The following PHF12 variants were observed in gnomAD, a reference collection of about 807,000 sequenced individuals.
PHF12 encodes the protein PHD factor 1.
PHF12 carries 6 observed loss-of-function variants against 99.8 expected under a neutral mutation model. That is an observed-to-expected ratio of 0.06 (90% confidence interval 0.03 to 0.12). The LOEUF (loss-of-function observed/expected upper bound fraction) is 0.12. Among genes scored for constraint, PHF12 ranks in the 10% least tolerant of loss-of-function variants. PHF12 has a pLI of 1.00. For missense variants in PHF12, 954 were observed against 1,300.1 expected, an observed-to-expected ratio of 0.73 and a Z score of 4.09; for synonymous variants, 480 against 514.9, an observed-to-expected ratio of 0.93 and a Z score of 0.92.
At chr17:28,925,948 C>T (rs368474824) in intron 3 of PHF12, 1 of 152,236 alleles carries the variant, frequency 6.6e-6, no homozygotes, top group Non-Finnish European at 1.5e-5. Flanking sequence ...GGGCTCCTGG[C>T]TGGCAGGTGC....
At chr17:28,918,679 A>G (rs547063402) in intron 6 of PHF12, among the ~76,000 whole-genome samples, 1 of 152,228 alleles carries the variant, frequency 6.6e-6, no homozygotes, top group African/African-American at 2.4e-5. Context: ...AGCAAGTGAC[A>G]GCTCTTTTCT....
rs1200333481 is a variant in PHF12 at position 28,939,554 on chromosome 17, G to A, written c.248+10511C>T. Among the ~76,000 whole-genome samples the A allele has an allele frequency of 2.0e-5, 3 of 152,176 alleles. No homozygotes were observed. The East Asian group carries it at 5.8e-4, about 29-fold the overall frequency. On this transcript the variant is annotated intron_variant, in intron 2 of 14. Transcript: ENST00000332830. The stretch of plus-strand genomic sequence containing the variant: ...TGGTTTAGTGAACGTGGGAATTAAC[G>A]AGCACTCAGCTGATCACAGGAGCCT...
At chr17:28,908,489 T>C (rs755001648) in intron 12 of PHF12, 4 of 339,206 alleles carry the variant, frequency 1.2e-5, no homozygotes, top group Non-Finnish European at 2.2e-5. Flanking sequence ...TAATTTTTTA[T>C]ATTTGTTTTT....
intron 12 of PHF12, chr17:28,908,578 C>G: frequency 1.7e-6 from 1 of 573,336 alleles, no homozygotes. Context: ...CCTTGTCCTC[C>G]CAAAGTGTTG....
intron 10 of PHF12, 58 bp downstream of exon 10, chr17:28,911,054 A>G (rs1392253903): frequency 3.7e-6 from 6 of 1,608,126 alleles, no homozygotes; most frequent in Non-Finnish European, 5.1e-6. Context: ...TGAATGCTGT[A>G]TAGGAATAGC....
At chr17:28,945,298 T>C (rs1222162198) in intron 2 of PHF12, 1 of 152,188 alleles carries the variant, frequency 6.6e-6, no homozygotes, top group African/African-American at 2.4e-5. Context: ...TTTTCTATTC[T>C]ATGTGTGAAA....
At chr17:28,943,230 G>C (rs1056547271) in intron 2 of PHF12, among the ~76,000 whole-genome samples, 2 of 152,206 alleles carry the variant, frequency 1.3e-5, no homozygotes, top group Non-Finnish European at 2.9e-5. Context: ...AAATAATGCA[G>C]CTTCTTTGGA....
chr17:28,950,932 A>G lies in PHF12; in HGVS notation c.29T>C (p.Ile10Thr), dbSNP rs1343248448. Reference sequence around the variant, plus strand: ...CCCTGATGTGTCCAAGTCGTACACGATCGTCTTGGTCTCCATTTTCTCCCA... The same window carrying G: ...CCCTGATGTGTCCAAGTCGTACACGGTCGTCTTGGTCTCCATTTTCTCCCA... MWEKMETKT[I>T]VYDLDTSGGL... is the part of the protein sequence containing the mutation. Residue 10 changes from isoleucine (I) to threonine (T), a missense_variant, in exon 1 of 15, where the codon ATC becomes ACC. Ile to Thr is a moderately conservative substitution (Grantham distance 89, BLOSUM62 -1). Transcript: ENST00000332830. This position sits in a 1 kb window ranked among gnomAD's most constrained non-coding sequence, Gnocchi z 5.7. 7 of 1,613,706 alleles carry G rather than the reference A, an allele frequency of 4.3e-6. No individual in the cohort carries two copies. The Admixed American group carries it at 8.3e-5, about 19-fold the overall frequency.
At position 28,906,830 on chromosome 17, in the gene PHF12, G is replaced by A. The variant is rs878983051; in HGVS notation, c.2680+26C>T. On this transcript the variant is annotated intron_variant, in intron 14 of 14. Transcript: ENST00000332830. This position sits in a 1 kb window ranked among gnomAD's most constrained non-coding sequence, Gnocchi z 4.2. ...ACCCTGACTGGGGCCTCAGCTTTGT[G>A]GCCACAGATCTCTGCTCCAACTTAC... is the stretch of plus-strand genomic sequence containing the variant. 6.4e-7 allele frequency: 1 copy of A among 1,572,520 alleles called. No homozygotes were observed. Among genetic ancestry groups the A allele is most frequent in the Middle Eastern group, 1.7e-4 (1 of 5,834 alleles).
At chr17:28,944,208 T>C (rs1180580926) in intron 2 of PHF12, among the ~76,000 whole-genome samples, 1 of 152,226 alleles carries the variant, frequency 6.6e-6, no homozygotes, top group Non-Finnish European at 1.5e-5. Context: ...TGGAGCTATA[T>C]GTAAAGTACT....
chr17:28,946,739 T>A (rs2040728601), intron 2 of PHF12, among the ~76,000 whole-genome samples: 2 of 152,244 alleles, frequency 1.3e-5, no homozygotes, highest in Admixed American at 1.3e-4. Flanking sequence ...AGTCTTGCTA[T>A]GTTGCCTAGA....
chr17:28,907,403 A>G (rs2039889537), intron 13 of PHF12, 187 bp downstream of exon 13: 2 of 597,060 alleles, frequency 3.3e-6, no homozygotes, highest in East Asian at 3.0e-5. Context: ...CCTGGGAAGC[A>G]GGTAGCTTCC....
In PHF12 at chr17:28,912,812, G is replaced by A. The variant is rs753017825; in HGVS notation, c.1759C>T (p.Pro587Ser). 3.1e-6 allele frequency: 5 copies of A among 1,608,670 alleles called. No homozygotes were observed. The Admixed American group carries it at 8.4e-5, about 27-fold the overall frequency. ...TTCTGAAGGCCCCCAGCCGCTGGTGGCGTGAGGGGCCGGGGCCAGCCTTGC... is the reference window on the plus strand; with the variant it reads ...TTCTGAAGGCCCCCAGCCGCTGGTGACGTGAGGGGCCGGGGCCAGCCTTGC... ...HRQGWPRPLTPPAAGGLQNHT... is the reference protein window; with the variant it reads ...HRQGWPRPLTSPAAGGLQNHT... Residue 587 changes from proline (P) to serine (S), a missense_variant, in exon 9 of 15, where the codon CCA (proline) becomes TCA (serine). Around this residue, in one of 8 missense-constraint regions of PHF12, gnomAD observed 392 missense variants for 423.1 expected, o/e 0.93. Coordinates refer to ENST00000332830, the MANE Select transcript of PHF12 (RefSeq NM_001033561.2).
chr17:28,917,310 T>C lies in PHF12; in HGVS notation c.1109A>G (p.Gln370Arg). The change falls in exon 7 of 15, where the codon CAG becomes CGG. Residue 370 changes from glutamine (Q) to arginine (R), a missense_variant. Around this residue, in one of 8 missense-constraint regions of PHF12, gnomAD observed 392 missense variants for 423.1 expected, o/e 0.93. Transcript: ENST00000332830. ...CTTCAAGCTTCTTCTTTTGACCGAC[T>C]GGAGCACACGCCGGTTAGGGGGGTG... The part of the protein sequence containing the change: ...KKHPPNRRVL[Q>R]SVKRRSLKVP... 2.5e-6 allele frequency: 4 copies of C among 1,614,022 alleles called. No individual in the cohort carries two copies. Among genetic ancestry groups the C allele is most frequent in the Non-Finnish European group, 3.4e-6 (4 of 1,180,030 alleles).
At chr17:28,920,450 T>C (rs1005644357) in intron 5 of PHF12, among the ~76,000 whole-genome samples, 2 of 152,218 alleles carry the variant, frequency 1.3e-5, no homozygotes, top group African/African-American at 4.8e-5. Flanking sequence ...CTAGGGGCTT[T>C]TGGAAGTCAT....
At chr17:28,931,815 C>CAA (rs996193502) in intron 2 of PHF12, among the ~76,000 whole-genome samples, 2 of 152,024 alleles carry the variant, frequency 1.3e-5, no homozygotes, top group African/African-American at 4.8e-5. Flanking sequence ...CTCCTGACCT[C>CAA]AAGTAATCTG....
At chr17:28,923,063 T>C (rs2040194440) in intron 4 of PHF12, among the ~76,000 whole-genome samples, 1 of 151,532 alleles carries the variant, frequency 6.6e-6, no homozygotes, top group South Asian at 2.1e-4. Context: ...AAAAAAATTC[T>C]ATATTAATAT....
chr17:28,930,272 A>G (rs1008182418), intron 2 of PHF12, among the ~76,000 whole-genome samples: 1 of 152,194 alleles, frequency 6.6e-6, no homozygotes, highest in African/African-American at 2.4e-5. Flanking sequence ...GCTTTCTCTG[A>G]AAGTCTCTGG....
At chr17:28,921,834 G>C (rs2040172038) in intron 4 of PHF12, 26 bp from the exon 5 acceptor site, 2 of 1,611,578 alleles carry the variant, frequency 1.2e-6, no homozygotes, top group Non-Finnish European at 1.7e-6. Context: ...ATGGTGCTGA[G>C]CTATCCCTGG....
Sources: allele counts gnomAD v4.1 joint callset (sites outside exome capture counted in the v4.1 genomes callset), GRCh38; gene constraint gnomAD v4.1.1; regional missense constraint gnomAD v4.1.1; non-coding constraint Gnocchi (gnomAD v3.1); transcripts MANE v1.5; gene names NCBI Gene and HGNC (gene_info 2026-07-23, HGNC 2026-07-21).